OSBPL3: variants seen among roughly 807,000 people sequenced by gnomAD.
OSBPL3 encodes the protein oxysterol binding protein like 3, also known as oxysterol-binding protein-related protein 3.
In OSBPL3, 65 loss-of-function variants were observed where a neutral mutation model predicts 120.1. The ratio of observed to expected loss-of-function variants is 0.54; its 90% CI spans 0.44 to 0.67. The LOEUF (loss-of-function observed/expected upper bound fraction) is 0.67, where lower values mean the gene tolerates loss of function less well. OSBPL3 is among the 30% of genes least tolerant of loss of function. OSBPL3 has a pLI of 0.00. For synonymous variants in OSBPL3, 416 were observed against 402.6 expected (o/e 1.03, Z -0.40); for missense variants, 1,004 against 1,082.1 (o/e 0.93, Z 1.01).
Position 24,877,289 on chromosome 7 carries a change from G to A in OSBPL3, c.97-5220C>T, listed in dbSNP as rs139424345. On this transcript the variant is annotated intron_variant, in intron 2 of 22. Coordinates refer to ENST00000313367, the MANE Select transcript of OSBPL3 (RefSeq NM_015550.4). The surrounding 1 kb of genome is among the most constrained non-coding windows in gnomAD (Gnocchi z 4.8). The stretch of plus-strand genomic sequence containing the variant: ...TGCAGTATGGATGGAGGCAAGTAAG[G>A]TCTTCAACCCTGCTCAGAGATAGCT... 6.6e-5 allele frequency among the ~76,000 whole-genome samples: 10 copies of A among 152,308 alleles called. No homozygotes were observed. The South Asian group carries it at 1.0e-3, about 16-fold the overall frequency.
In OSBPL3 at chr7:24,933,896, CAAATACT is replaced by C. The variant is rs987557467; in HGVS notation, c.-149-41282_-149-41276del. 1.3e-5 allele frequency among the ~76,000 whole-genome samples: 2 copies of C among 152,126 alleles called. No homozygotes were observed. The highest frequency in any genetic ancestry group is 6.5e-5 in the Admixed American group (1 of 15,286). Reference sequence around the variant, plus strand: ...ACTTAGCATAAATAGAGTAAAACAACAAATACTAAGATTTGTTGGCATTAAATCAGTT... The same window carrying C: ...ACTTAGCATAAATAGAGTAAAACAACAAGATTTGTTGGCATTAAATCAGTT... On this transcript the variant is annotated intron_variant, in intron 1 of 22. Coordinates refer to ENST00000313367, the MANE Select transcript of OSBPL3 (RefSeq NM_015550.4). This position sits in a 1 kb window ranked among gnomAD's most constrained non-coding sequence, Gnocchi z 5.1.
At chr7:24,969,082 G>A (rs115950374) in intron 1 of OSBPL3, among the ~76,000 whole-genome samples, 38 of 152,282 alleles carry the variant, frequency 2.5e-4, no homozygotes, top group African/African-American at 9.1e-4. Flanking sequence ...CCAATGGCTC[G>A]CTACAGTTTG....
chr7:24,886,255 A>T (rs1310033990), intron 2 of OSBPL3, among the ~76,000 whole-genome samples: 1 of 152,246 alleles, frequency 6.6e-6, no homozygotes, highest in Non-Finnish European at 1.5e-5. Flanking sequence ...TAAAAAAAAC[A>T]TGGCAAGGTT....
At chr7:24,865,515 G>A in intron 6 of OSBPL3, 50 bp from the exon 7 acceptor site, 1 of 1,589,608 alleles carries the variant, frequency 6.3e-7, no homozygotes, top group Non-Finnish European at 8.6e-7. Context: ...AGAGCCCATT[G>A]GGGACATGTT....
chr7:24,831,687 G>A lies in OSBPL3; in HGVS notation c.1747-782C>T, dbSNP rs1018463802. ...ACAACAGTTAAGCCTAAGCAGGGAT[G>A]TCCAATTTTCCTTTCTAATGTCAGG... On this transcript the variant is annotated intron_variant, in intron 15 of 22. Coordinates refer to ENST00000313367, the MANE Select transcript of OSBPL3 (RefSeq NM_015550.4). The surrounding 1 kb of genome is among the most constrained non-coding windows in gnomAD (Gnocchi z 4.0). Among the ~76,000 whole-genome samples the A allele has an allele frequency of 2.4e-4, 37 of 152,216 alleles. No individual in the cohort carries two copies. The highest frequency in any genetic ancestry group is 7.3e-5 in the Non-Finnish European group (5 of 68,040).
rs1214650286 is a variant in OSBPL3, at chr7:24,831,919, C to T, written c.1747-1014G>A. The stretch of plus-strand genomic sequence containing the variant: ...ATGGCTTATAAAAATCAGCTATACT[C>T]GGCTGGGTGCAGTGGCTCACGCCTG... On this transcript the variant is annotated intron_variant, in intron 15 of 22. Transcript: ENST00000313367. The surrounding 1 kb of genome is among the most constrained non-coding windows in gnomAD (Gnocchi z 4.0). Among the ~76,000 whole-genome samples the T allele has an allele frequency of 1.3e-5, 2 of 152,172 alleles. No homozygotes were observed. Among genetic ancestry groups the T allele is most frequent in the Non-Finnish European group, 2.9e-5 (2 of 68,024 alleles).
chr7:24,944,915 C>T (rs913168987), intron 1 of OSBPL3, among the ~76,000 whole-genome samples: 1 of 152,082 alleles, frequency 6.6e-6, no homozygotes, highest in Non-Finnish European at 1.5e-5. Context: ...ATAATTCTGG[C>T]CCAATGGAGT....
chr7:24,818,068 G>C lies in OSBPL3; in HGVS notation c.1949-1380C>G, dbSNP rs2128134899. On this transcript the variant is annotated intron_variant, in intron 17 of 22. Coordinates refer to ENST00000313367, the MANE Select transcript of OSBPL3 (RefSeq NM_015550.4). This position sits in a 1 kb window ranked among gnomAD's most constrained non-coding sequence, Gnocchi z 4.0. ...GGGTCTGGGACCAGCGAGCACAGTG[G>C]GCCTCATATTGTTTAATCCTATTTA... Among the ~76,000 whole-genome samples, 1 of 152,210 alleles carries C rather than the reference G, an allele frequency of 6.6e-6. No homozygotes were observed. Among genetic ancestry groups the C allele is most frequent in the African/African-American group, 2.4e-5 (1 of 41,524 alleles).
At chr7:24,901,700 T>A (rs1020413680) in intron 1 of OSBPL3, among the ~76,000 whole-genome samples, 1 of 152,238 alleles carries the variant, frequency 6.6e-6, no homozygotes, top group Non-Finnish European at 1.5e-5. Context: ...TTGGTATTCC[T>A]AAACCTCCAC....
rs1335983044 is a variant in OSBPL3, at chr7:24,804,142, G to A, written c.2567+173C>T. Reference sequence around the variant, plus strand: ...AAGTCAGCAAGAGGGAGAGCCTGAAGGTAAGTGCGGGGGACAGGGCCTGGC... The same window carrying A: ...AAGTCAGCAAGAGGGAGAGCCTGAAAGTAAGTGCGGGGGACAGGGCCTGGC... On this transcript the variant is annotated intron_variant, in intron 22 of 22. Coordinates refer to ENST00000313367, the MANE Select transcript of OSBPL3 (RefSeq NM_015550.4). The surrounding 1 kb of genome is among the most constrained non-coding windows in gnomAD (Gnocchi z 5.4). Among the ~76,000 whole-genome samples, 1 of 152,158 alleles carries A rather than the reference G, an allele frequency of 6.6e-6. No individual in the cohort carries two copies. Among genetic ancestry groups the A allele is most frequent in the African/African-American group, 2.4e-5 (1 of 41,430 alleles).
At chr7:24,878,534 CACTGA>C (rs1450140450) in intron 2 of OSBPL3, among the ~76,000 whole-genome samples, 3 of 152,130 alleles carry the variant, frequency 2.0e-5, no homozygotes, top group Admixed American at 6.6e-5. Flanking sequence ...GTTCTATGAA[CACTGA>C]CAATACTTGT....
Position 24,972,211 on chromosome 7 carries a change from A to C in OSBPL3, c.-150+7675T>G, listed in dbSNP as rs1438542450. ...CAAACCTGTGTGTCGCATCAGAGAGAGAAATTCAAAACCTCAAATCAAAAG... is the reference window on the plus strand; with the variant it reads ...CAAACCTGTGTGTCGCATCAGAGAGCGAAATTCAAAACCTCAAATCAAAAG... On this transcript the variant is annotated intron_variant, in intron 1 of 22. Coordinates refer to ENST00000313367, the MANE Select transcript of OSBPL3 (RefSeq NM_015550.4). The surrounding 1 kb of genome is among the most constrained non-coding windows in gnomAD (Gnocchi z 4.3). 1.3e-5 allele frequency among the ~76,000 whole-genome samples: 2 copies of C among 152,228 alleles called. No homozygotes were observed. The highest frequency in any genetic ancestry group is 4.1e-4 in the South Asian group (2 of 4,832).
At chr7:24,942,997 A>G (rs1444406379) in intron 1 of OSBPL3, among the ~76,000 whole-genome samples, 1 of 152,220 alleles carries the variant, frequency 6.6e-6, no homozygotes, top group Non-Finnish European at 1.5e-5. Flanking sequence ...TGCAAAGGTA[A>G]GATGCTATGG....
chr7:24,943,263 T>C (rs1271735217), intron 1 of OSBPL3, among the ~76,000 whole-genome samples: 1 of 152,200 alleles, frequency 6.6e-6, no homozygotes, highest in East Asian at 1.9e-4. Context: ...CTGACGAATC[T>C]GACCCTCTCA....
At chr7:24,941,393 C>T (rs1813092543) in intron 1 of OSBPL3, among the ~76,000 whole-genome samples, 1 of 152,064 alleles carries the variant, frequency 6.6e-6, no homozygotes, top group Non-Finnish European at 1.5e-5. Flanking sequence ...TCTACTCCTG[C>T]TGCTCCCTGC....
chr7:24,852,662 G>A lies in OSBPL3; in HGVS notation c.1028-28C>T. The A allele has an allele frequency of 6.9e-7, 1 of 1,447,274 alleles. No homozygotes were observed. Among genetic ancestry groups the A allele is most frequent in the Non-Finnish European group, 9.3e-7 (1 of 1,075,112 alleles). 89.7% of individuals were successfully genotyped at this position (1,447,274 alleles called of 1,614,324 possible). A position where few individuals can be genotyped will look rare whatever the true frequency, so the allele number is the denominator to read the frequency against. ...ATAGAGATAGAATCATTATAAAAAG[G>A]AATAAGGAGGCATAATTAAAAACAA... is the stretch of plus-strand genomic sequence containing the variant. On this transcript the variant is annotated intron_variant, in intron 10 of 22. Coordinates refer to ENST00000313367, the MANE Select transcript of OSBPL3 (RefSeq NM_015550.4). This position sits in a 1 kb window ranked among gnomAD's most constrained non-coding sequence, Gnocchi z 4.1.
Position 24,815,268 on chromosome 7 carries a change from T to C in OSBPL3, c.2028-65A>G. The C allele has an allele frequency of 7.7e-7, 1 of 1,298,090 alleles. No individual in the cohort carries two copies. The highest frequency in any genetic ancestry group is 1.1e-6 in the Non-Finnish European group (1 of 907,358). The allele number at this position is 1,298,090 out of a possible 1,614,324, so 80.4% of individuals were successfully genotyped here. ...GAGCCAGCAGCAAATGCAAACAAAC[T>C]CTGCTCTTTTATAAAATAAGTCATG... is the stretch of plus-strand genomic sequence containing the variant. On this transcript the variant is annotated intron_variant, in intron 18 of 22. Coordinates refer to ENST00000313367, the MANE Select transcript of OSBPL3 (RefSeq NM_015550.4). The surrounding 1 kb of genome is among the most constrained non-coding windows in gnomAD (Gnocchi z 5.1).
chr7:24,816,809 T>C lies in OSBPL3; in HGVS notation c.1949-121A>G. 3 of 694,618 alleles carry C rather than the reference T, an allele frequency of 4.3e-6. No homozygotes were observed. The East Asian group carries it at 7.9e-5, about 18-fold the overall frequency. 43.0% of individuals were successfully genotyped at this position (694,618 alleles called of 1,614,324 possible). ...AACCTCTTCACAATCAAGTCAATTA[T>C]TGTATAGGATAACTTTTCATAAAAT... is the stretch of plus-strand genomic sequence containing the variant. On this transcript the variant is annotated intron_variant, in intron 17 of 22. Transcript: ENST00000313367.
intron 1 of OSBPL3, among the ~76,000 whole-genome samples, chr7:24,902,234 G>A (rs1807132495): frequency 6.6e-6 from 1 of 152,002 alleles, no homozygotes; most frequent in African/African-American, 2.4e-5. Context: ...CATCACAATA[G>A]GTATTTTACT....
Sources: allele counts gnomAD v4.1 joint callset (sites outside exome capture counted in the v4.1 genomes callset), GRCh38; gene constraint gnomAD v4.1.1; non-coding constraint Gnocchi (gnomAD v3.1); transcripts MANE v1.5; gene names NCBI Gene and HGNC (gene_info 2026-07-23, HGNC 2026-07-21).